The following NOL4L variants were observed in gnomAD, a reference collection of about 807,000 sequenced individuals.
The protein encoded by NOL4L is nucleolar protein 4 like.
Under a neutral mutation model 64.5 loss-of-function variants are expected in NOL4L, and 7 were observed. That is an observed-to-expected ratio of 0.11 (90% CI 0.06 to 0.20). NOL4L has a LOEUF of 0.20. Among genes scored for constraint, NOL4L ranks in the 10% least tolerant of loss-of-function variants. NOL4L has a pLI of 1.00. For synonymous variants in NOL4L, 413 were observed against 401.0 expected (o/e 1.03, Z -0.36); for missense variants, 680 against 967.1 (o/e 0.70, Z 3.94).
intron 4 of NOL4L, among the ~76,000 whole-genome samples, chr20:32,503,107 A>T (rs906532631): frequency 6.6e-6 from 1 of 152,140 alleles, no homozygotes; most frequent in African/African-American, 2.4e-5. Context: ...TGCTCCAAGG[A>T]TTGTCCTCTG....
At chr20:32,539,865 C>T (rs149805043) in intron 1 of NOL4L, among the ~76,000 whole-genome samples, 31 of 152,256 alleles carry the variant, frequency 2.0e-4, no homozygotes, top group Non-Finnish European at 4.3e-4. Context: ...TCAACTCTAT[C>T]GGGCATGGTG....
chr20:32,488,791 C>CTTCCTTCCTTCCT, intron 4 of NOL4L, among the ~76,000 whole-genome samples: 1 of 53,498 alleles, frequency 1.9e-5, no homozygotes, highest in Admixed American at 2.0e-4. Context: ...TCCTTCCTTC[C>CTTCCTTCCTTCCT]TTTCTTTCTT....
In NOL4L at chr20:32,511,409, T is replaced by G. The variant is rs1366528352; in HGVS notation, c.637A>C (p.Met213Leu). The G allele has an allele frequency of 6.4e-7, 1 of 1,550,484 alleles. No individual in the cohort carries two copies. The highest frequency in any genetic ancestry group is 2.0e-5 in the Admixed American group (1 of 50,988). Reference protein sequence around the residue: ...PLVSGIIDYNMPLTSTYLKQM... With the variant: ...PLVSGIIDYNLPLTSTYLKQM... ...TTCAGGTAGGTGGAGGTGAGGGGCA[T>G]GTTGTAATCAATAATCCCAGAGACC... Residue 213 changes from methionine to leucine, a missense_variant, in exon 4 of 11, where the codon ATG (methionine) becomes CTG (leucine). Physicochemically the swap from Met to Leu is conservative, Grantham distance 15. This residue lies in a region of NOL4L where 181 missense variants were observed against 335.2 expected (regional missense o/e 0.54). Coordinates refer to ENST00000621426, the MANE Select transcript of NOL4L (RefSeq NM_001256798.2).
chr20:32,537,068 C>A (rs2018557383), intron 1 of NOL4L: 1 of 984,990 alleles, frequency 1.0e-6, no homozygotes, highest in Non-Finnish European at 1.2e-6. Flanking sequence ...CCCGCCCCCC[C>A]GGGACGCTGC....
intron 5 of NOL4L, among the ~76,000 whole-genome samples, chr20:32,459,632 G>A (rs575343914): frequency 5.9e-5 from 9 of 152,250 alleles, no homozygotes; most frequent in Admixed American, 5.9e-4. Flanking sequence ...CGATCCGCCC[G>A]CCTCAGCCTC....
intron 1 of NOL4L, among the ~76,000 whole-genome samples, chr20:32,584,133 GCACACACACA>G (rs745461984): frequency 1.8e-3 from 164 of 88,816 alleles, no homozygotes; most frequent in African/African-American, 7.6e-3. Flanking sequence ...CTCCGCGCGC[GCACACACACA>G]CACACACACA....
chr20:32,573,724 C>T (rs751151221), intron 1 of NOL4L: 12 of 169,372 alleles, frequency 7.1e-5, no homozygotes, highest in Non-Finnish European at 1.4e-4. Context: ...TGGCTCCAGA[C>T]CCCCACTGCT....
chr20:32,451,325 T>C (rs1384897106), intron 10 of NOL4L, among the ~76,000 whole-genome samples: 1 of 152,204 alleles, frequency 6.6e-6, no homozygotes, highest in African/African-American at 2.4e-5. Flanking sequence ...TTCACGGCCC[T>C]TCTGTGCTTA....
chr20:32,505,554 A>C (rs902054602), intron 4 of NOL4L, among the ~76,000 whole-genome samples: 1 of 151,174 alleles, frequency 6.6e-6, no homozygotes, highest in African/African-American at 2.4e-5. Context: ...ACATCTCTAC[A>C]AAAAAAAATA....
At chr20:32,549,967 A>T (rs1445122272) in intron 1 of NOL4L, among the ~76,000 whole-genome samples, 5 of 152,258 alleles carry the variant, frequency 3.3e-5, no homozygotes, top group African/African-American at 1.2e-4. Context: ...ATGACTGTTC[A>T]TAGCAACATG....
At chr20:32,496,137 CG>C (rs1220229063) in intron 4 of NOL4L, among the ~76,000 whole-genome samples, 5 of 152,114 alleles carry the variant, frequency 3.3e-5, no homozygotes, top group Non-Finnish European at 1.5e-5. Context: ...CCTTTGAAGA[CG>C]GCTCCCAGGC....
rs1459891652 is a variant in NOL4L, at chr20:32,520,718, C to A, written c.589+93G>T. 6 of 719,178 alleles carry A rather than the reference C, an allele frequency of 8.3e-6. No individual in the cohort carries two copies. The East Asian group carries it at 1.7e-4, about 20-fold the overall frequency. 44.5% of individuals were successfully genotyped at this position (719,178 alleles called of 1,614,324 possible). On this transcript the variant is annotated intron_variant, in intron 3 of 10. Coordinates refer to ENST00000621426, the MANE Select transcript of NOL4L (RefSeq NM_001256798.2). Reference sequence around the variant, plus strand: ...GGGACTAGCAACAACAGCTGCTGGACACTTTTCTGTGCCAGCAAAAGCTGG... The same window carrying A: ...GGGACTAGCAACAACAGCTGCTGGAAACTTTTCTGTGCCAGCAAAAGCTGG...
intron 1 of NOL4L, among the ~76,000 whole-genome samples, chr20:32,538,066 AC>A (rs1268358401): frequency 3.9e-5 from 6 of 152,050 alleles, no homozygotes; most frequent in Non-Finnish European, 8.8e-5. Flanking sequence ...GGCATGAGCC[AC>A]CACACCCAGC....
intron 1 of NOL4L, among the ~76,000 whole-genome samples, chr20:32,578,706 T>C (rs1378209312): frequency 2.6e-5 from 4 of 152,054 alleles, no homozygotes; most frequent in African/African-American, 9.7e-5. Context: ...AAGTGGAGTT[T>C]TAGAGCCCAT....
chr20:32,579,492 C>T (rs913734566), intron 1 of NOL4L, among the ~76,000 whole-genome samples: 1 of 152,132 alleles, frequency 6.6e-6, no homozygotes, highest in Non-Finnish European at 1.5e-5. Flanking sequence ...AGGCTCCCCA[C>T]CCCCCAATCC....
chr20:32,503,785 T>C (rs754680752), intron 4 of NOL4L, among the ~76,000 whole-genome samples: 3 of 152,134 alleles, frequency 2.0e-5, no homozygotes, highest in Non-Finnish European at 4.4e-5. Flanking sequence ...AGGTCTGGAG[T>C]GTCACTGGGA....
In NOL4L at chr20:32,447,212, A is replaced by G; in HGVS notation, c.*384T>C. 2.1e-6 allele frequency: 1 copy of G among 479,626 alleles called. No homozygotes were observed. The highest frequency in any genetic ancestry group is 4.1e-6 in the Non-Finnish European group (1 of 243,532). The allele number at this position is 479,626 out of a possible 1,614,324, so 29.7% of individuals were successfully genotyped here. On this transcript the variant is annotated 3_prime_UTR_variant, in exon 11 of 11. Coordinates refer to ENST00000621426, the MANE Select transcript of NOL4L (RefSeq NM_001256798.2). Reference sequence around the variant, plus strand: ...AAGGGTCCACTTTGCTTTTCTCAATAAATATGCAATTCTGCTCACCTAAGA... The same window carrying G: ...AAGGGTCCACTTTGCTTTTCTCAATGAATATGCAATTCTGCTCACCTAAGA...
At chr20:32,467,381 G>A (rs1438606435) in intron 5 of NOL4L, among the ~76,000 whole-genome samples, 1 of 152,166 alleles carries the variant, frequency 6.6e-6, no homozygotes, top group Non-Finnish European at 1.5e-5. Flanking sequence ...AGGACAAGCT[G>A]TGAGTGCCTG....
At chr20:32,466,584 C>T (rs889429024) in intron 5 of NOL4L, among the ~76,000 whole-genome samples, 4 of 150,308 alleles carry the variant, frequency 2.7e-5, no homozygotes, top group African/African-American at 9.8e-5. Flanking sequence ...GCCAGGAGGC[C>T]GCCGCCTGCT....
Sources: gnomAD v4.1 joint callset for allele counts (sites outside exome capture counted in the v4.1 genomes callset) on GRCh38, gnomAD v4.1.1 for gene constraint, gnomAD v4.1.1 regional missense constraint, MANE v1.5 for transcripts, NCBI Gene and HGNC (gene_info 2026-07-23, HGNC 2026-07-21) for gene names.